NRXN3: variants seen among roughly 807,000 people sequenced by gnomAD.
The protein encoded by NRXN3 is neurexin 3, also known as neurexin III.
In NRXN3, 32 loss-of-function variants were observed where a neutral mutation model predicts 137.6. That is an observed-to-expected ratio of 0.23 (90% CI 0.18 to 0.31). NRXN3 has a LOEUF of 0.31. Ranked by LOEUF, NRXN3 falls within the 10% of genes least tolerant of loss-of-function variation. The pLI is 1.00. For missense variants in NRXN3, 1,574 were observed against 2,062.5 expected (o/e 0.76, Z 4.59); for synonymous variants, 798 against 784.5 (o/e 1.02, Z -0.29).
At chr14:78,604,247 A>G (rs2097226842) in intron 4 of NRXN3, among the ~76,000 whole-genome samples, 1 of 152,036 alleles carries the variant, frequency 6.6e-6, no homozygotes, top group South Asian at 2.1e-4. Context: ...CTACAATTCA[A>G]GATGAGATTT....
intron 15 of NRXN3, among the ~76,000 whole-genome samples, chr14:79,388,158 C>G (rs958823892): frequency 6.6e-6 from 1 of 151,888 alleles, no homozygotes; most frequent in African/African-American, 2.4e-5. Context: ...CCCTTATTCT[C>G]TCTTGCTCCT....
chr14:78,660,947 A>G (rs1392032016), intron 6 of NRXN3, among the ~76,000 whole-genome samples: 1 of 152,196 alleles, frequency 6.6e-6, no homozygotes, highest in Admixed American at 6.5e-5. Context: ...GAAATCAGAT[A>G]ATTTGCTCTG....
At chr14:78,594,185 C>A (rs1419314769) in intron 4 of NRXN3, among the ~76,000 whole-genome samples, 1 of 152,240 alleles carries the variant, frequency 6.6e-6, no homozygotes, top group African/African-American at 2.4e-5. Context: ...GCAATGCAGT[C>A]CAAATGTGGA....
intron 20 of NRXN3, among the ~76,000 whole-genome samples, chr14:79,832,472 C>T (rs1003445082): frequency 5.9e-5 from 9 of 152,090 alleles, no homozygotes; most frequent in African/African-American, 1.4e-4. Flanking sequence ...TTTCTTTAAA[C>T]GGTGGTTCTA....
intron 20 of NRXN3, among the ~76,000 whole-genome samples, chr14:79,828,310 G>A (rs1300938870): frequency 1.3e-5 from 2 of 152,092 alleles, no homozygotes; most frequent in Admixed American, 1.3e-4. Flanking sequence ...GTTCACTGGA[G>A]GAAGGTTGGC....
At chr14:78,965,763 T>G (rs533478646) in intron 11 of NRXN3, among the ~76,000 whole-genome samples, 2 of 152,288 alleles carry the variant, frequency 1.3e-5, no homozygotes, top group East Asian at 3.9e-4. Context: ...GTTTTATCCT[T>G]TAGCCTGGGT....
chr14:79,733,488 G>A (rs1397603430), intron 19 of NRXN3, among the ~76,000 whole-genome samples: 1 of 152,076 alleles, frequency 6.6e-6, no homozygotes, highest in Non-Finnish European at 1.5e-5. Context: ...CCTTTACTGT[G>A]TGTGGTAATG....
At chr14:79,468,033 T>G (rs1323116590) in intron 16 of NRXN3, among the ~76,000 whole-genome samples, 1 of 152,200 alleles carries the variant, frequency 6.6e-6, no homozygotes, top group Non-Finnish European at 1.5e-5. Flanking sequence ...TGATAAAAAC[T>G]GAGACCAGAG....
chr14:78,631,924 G>C (rs1215088552), intron 4 of NRXN3, among the ~76,000 whole-genome samples: 1 of 151,740 alleles, frequency 6.6e-6, no homozygotes, highest in Non-Finnish European at 1.5e-5. Context: ...TGGCTAATTT[G>C]GTGAAACCCC....
intron 15 of NRXN3, among the ~76,000 whole-genome samples, chr14:79,236,484 A>C (rs912056948): frequency 2.0e-5 from 3 of 152,172 alleles, no homozygotes; most frequent in Admixed American, 1.3e-4. Context: ...ATTTTCAAGT[A>C]TATGAGAGCT....
intron 15 of NRXN3, among the ~76,000 whole-genome samples, chr14:79,361,108 T>C (rs2093666093): frequency 6.6e-6 from 1 of 152,318 alleles, no homozygotes; most frequent in East Asian, 1.9e-4. Flanking sequence ...AGATATTACT[T>C]TGAAGAAGTA....
chr14:78,962,714 C>T (rs1327154367), intron 11 of NRXN3, among the ~76,000 whole-genome samples: 1 of 147,956 alleles, frequency 6.8e-6, no homozygotes, highest in Non-Finnish European at 1.5e-5. Context: ...TTTCCTTTTT[C>T]TTTCTTTCTT....
intron 15 of NRXN3, among the ~76,000 whole-genome samples, chr14:79,330,993 C>A (rs115989136): frequency 6.6e-6 from 1 of 152,046 alleles, no homozygotes; most frequent in Non-Finnish European, 1.5e-5. Flanking sequence ...TTTGGCTAAA[C>A]GAGTATGGTG....
In NRXN3 at chr14:79,258,523, A is replaced by T. The variant is rs918694871; in HGVS notation, c.3263-208698A>T. ...CCTGGCCCATTCCTTATATATTTTT[A>T]AAAATAACCTGTTCTTCTTCAGTTT... On this transcript the variant is annotated intron_variant, in intron 15 of 20. Transcript: ENST00000335750. 5.0e-4 allele frequency among the ~76,000 whole-genome samples: 76 copies of T among 152,260 alleles called. 1 individual carries two copies. Among genetic ancestry groups the T allele is most frequent in the African/African-American group, 1.0e-3 (42 of 41,542 alleles).
At chr14:79,235,142 GA>G (rs1318095840) in intron 15 of NRXN3, among the ~76,000 whole-genome samples, 1 of 152,022 alleles carries the variant, frequency 6.6e-6, no homozygotes, top group African/African-American at 2.4e-5. Context: ...TGATTTATGA[GA>G]GATCAATTCA....
chr14:78,924,692 A>G (rs1851862984), intron 10 of NRXN3, among the ~76,000 whole-genome samples: 1 of 152,202 alleles, frequency 6.6e-6, no homozygotes, highest in African/African-American at 2.4e-5. Flanking sequence ...AAGCAGTAAA[A>G]TACGTCATCC....
intron 14 of NRXN3, among the ~76,000 whole-genome samples, chr14:78,971,175 A>G (rs1428989141): frequency 6.6e-6 from 1 of 152,108 alleles, no homozygotes; most frequent in Non-Finnish European, 1.5e-5. Context: ...GAGAGCACAA[A>G]ACACTGGAGA....
intron 16 of NRXN3, among the ~76,000 whole-genome samples, chr14:79,600,021 AAAT>A (rs962912902): frequency 2.3e-4 from 35 of 152,156 alleles, no homozygotes; most frequent in Non-Finnish European, 1.5e-4. Flanking sequence ...AAGTAAATAA[AAAT>A]AAATAATTAC....
At chr14:79,725,935 T>C (rs2098885555) in intron 19 of NRXN3, among the ~76,000 whole-genome samples, 1 of 152,152 alleles carries the variant, frequency 6.6e-6, no homozygotes, top group Non-Finnish European at 1.5e-5. Flanking sequence ...CTAATCTGAT[T>C]CATATCTCTA....
Sources: gnomAD v4.1 joint callset for allele counts (sites outside exome capture counted in the v4.1 genomes callset) on GRCh38, gnomAD v4.1.1 for gene constraint, MANE v1.5 for transcripts, NCBI Gene and HGNC (gene_info 2026-07-23, HGNC 2026-07-21) for gene names.